ABCC5: variants seen among roughly 807,000 people sequenced by gnomAD.
ABCC5 encodes ATP binding cassette subfamily C member 5, also known as ATP-binding cassette sub-family C member 5.
Under a neutral mutation model 160.9 loss-of-function variants are expected in ABCC5, and 61 were observed. That is an observed-to-expected ratio of 0.38 (90% confidence interval 0.31 to 0.47). The LOEUF is 0.47. Ranked by LOEUF, ABCC5 falls within the 20% of genes least tolerant of loss-of-function variation. ABCC5 has a pLI of 0.99. For synonymous variants in ABCC5, 666 were observed against 700.6 expected (o/e 0.95, Z 0.78); for missense variants, 1,308 against 1,813.3 (o/e 0.72, Z 5.06).
intron 25 of ABCC5, among the ~76,000 whole-genome samples, chr3:183,942,035 C>G (rs763551712): frequency 2.0e-5 from 3 of 148,540 alleles, no homozygotes; most frequent in Non-Finnish European, 4.5e-5. Flanking sequence ...TCTACAGTTA[C>G]GCATTTCTTT....
At chr3:183,938,687 G>A (rs977993016) in intron 25 of ABCC5, among the ~76,000 whole-genome samples, 1 of 152,148 alleles carries the variant, frequency 6.6e-6, no homozygotes, top group Non-Finnish European at 1.5e-5. Flanking sequence ...CTTAGGCAAA[G>A]TTAGGAGAAC....
chr3:183,977,640 G>T lies in ABCC5; in HGVS notation c.1297-16C>A, dbSNP rs752801024. The T allele has an allele frequency of 7.5e-6, 12 of 1,590,530 alleles. No homozygotes were observed. Among genetic ancestry groups the T allele is most frequent in the Non-Finnish European group, 1.0e-5 (12 of 1,159,638 alleles). ...CTGTGAAAGCCTGAAAATAGGAGAAGAGAAGAAACTGTGCCTAATGATGCT... is the reference window on the plus strand; with the variant it reads ...CTGTGAAAGCCTGAAAATAGGAGAATAGAAGAAACTGTGCCTAATGATGCT... On this transcript the variant is annotated splice_polypyrimidine_tract_variant and intron_variant, in intron 9 of 29. Coordinates refer to ENST00000334444, the MANE Select transcript of ABCC5 (RefSeq NM_005688.4).
intron 5 of ABCC5, chr3:183,983,785 A>ATCCT (rs1718953551): frequency 3.0e-5 from 30 of 985,400 alleles, no homozygotes; most frequent in Non-Finnish European, 2.9e-5. Flanking sequence ...GAAAATGAAA[A>ATCCT]AATATAAAAG....
intron 2 of ABCC5, among the ~76,000 whole-genome samples, chr3:183,991,770 A>C (rs914592764): frequency 2.6e-5 from 4 of 152,224 alleles, no homozygotes; most frequent in African/African-American, 9.6e-5. Flanking sequence ...GGACTACGGC[A>C]CTTGATAATG....
In ABCC5 at chr3:183,949,821, G is replaced by T; in HGVS notation, c.3159C>A (p.His1053Gln). The T allele has an allele frequency of 6.2e-7, 1 of 1,614,206 alleles. No individual in the cohort carries two copies. The highest frequency in any genetic ancestry group is 8.5e-7 in the Non-Finnish European group (1 of 1,180,044). Residue 1053 changes from histidine to glutamine, a missense_variant, in exon 22 of 30, where the codon CAC (histidine) becomes CAA (glutamine). Coordinates refer to ENST00000334444, the MANE Select transcript of ABCC5 (RefSeq NM_005688.4). This position sits in a 1 kb window ranked among gnomAD's most constrained non-coding sequence, Gnocchi z 4.2. The part of the protein sequence containing the change: ...DNITQSPFLS[H>Q]ITSSIQGLAT... ...CAAGGCCCTGTATGCTGGACGTGAT[G>T]TGGGAGAGGAAAGGTGACTGCGTGA...
In ABCC5 at chr3:183,982,633, T is replaced by C; in HGVS notation, c.826-9A>G. ...GAGCAAATGTTGATGAGCTATAAGA[T>C]ACAAAGAGTAGTGAGGGGACCCTGC... On this transcript the variant is annotated splice_polypyrimidine_tract_variant and intron_variant, in intron 6 of 29. Transcript: ENST00000334444. This position sits in a 1 kb window ranked among gnomAD's most constrained non-coding sequence, Gnocchi z 5.2. 6.2e-7 allele frequency: 1 copy of C among 1,613,986 alleles called. No individual in the cohort carries two copies. Among genetic ancestry groups the C allele is most frequent in the Non-Finnish European group, 8.5e-7 (1 of 1,179,932 alleles).
intron 10 of ABCC5, among the ~76,000 whole-genome samples, chr3:183,973,178 C>T (rs935358409): frequency 4.0e-5 from 6 of 151,516 alleles, no homozygotes; most frequent in Non-Finnish European, 7.4e-5. Flanking sequence ...CCTCAGCTTC[C>T]CGAGTAGCTG....
Position 183,949,357 on chromosome 3 carries a change from T to C in ABCC5, c.3227+396A>G, listed in dbSNP as rs1190951508. On this transcript the variant is annotated intron_variant, in intron 22 of 29. Coordinates refer to ENST00000334444, the MANE Select transcript of ABCC5 (RefSeq NM_005688.4). This position sits in a 1 kb window ranked among gnomAD's most constrained non-coding sequence, Gnocchi z 4.2. Reference sequence around the variant, plus strand: ...ACTTAAAAGAAAAAGCAAAACTCTATGAAATATAGCTTTTCAGGGCCAAGG... The same window carrying C: ...ACTTAAAAGAAAAAGCAAAACTCTACGAAATATAGCTTTTCAGGGCCAAGG... 2.0e-5 allele frequency among the ~76,000 whole-genome samples: 3 copies of C among 152,240 alleles called. No homozygotes were observed. Among genetic ancestry groups the C allele is most frequent in the African/African-American group, 4.8e-5 (2 of 41,468 alleles).
chr3:183,977,937 G>C, intron 9 of ABCC5, among the ~76,000 whole-genome samples: 1 of 152,108 alleles, frequency 6.6e-6, no homozygotes. Context: ...ATTTTTAGTA[G>C]AGACAGGGTT....
Position 183,949,968 on chromosome 3 carries a change from T to C in ABCC5, c.3098+4A>G. The C allele has an allele frequency of 1.2e-6, 2 of 1,614,078 alleles. No homozygotes were observed. Among genetic ancestry groups the C allele is most frequent in the Non-Finnish European group, 1.7e-6 (2 of 1,180,002 alleles). On this transcript the variant is annotated splice_donor_region_variant and intron_variant, in intron 21 of 29. Coordinates refer to ENST00000334444, the MANE Select transcript of ABCC5 (RefSeq NM_005688.4). The surrounding 1 kb of genome is among the most constrained non-coding windows in gnomAD (Gnocchi z 4.2). ...CCCAGCAGACATGAACGCTTCCTAT[T>C]TACCTGGAGACAATGTGCAGGACTG...
chr3:183,966,952 T>G (rs1717273537), intron 12 of ABCC5, among the ~76,000 whole-genome samples: 2 of 152,010 alleles, frequency 1.3e-5, no homozygotes, highest in Admixed American at 6.6e-5. Context: ...TTTATGCTCA[T>G]CTCAACCATC....
In ABCC5 at chr3:183,927,416, A is replaced by T. The variant is rs757678999; in HGVS notation, c.3961T>A (p.Ser1321Thr). 1 of 1,613,680 alleles carries T rather than the reference A, an allele frequency of 6.2e-7. No individual in the cohort carries two copies. The change falls in exon 28 of 30, where the codon TCT becomes ACT. Residue 1321 changes from serine to threonine, a missense_variant. Coordinates refer to ENST00000334444, the MANE Select transcript of ABCC5 (RefSeq NM_005688.4). ...TTATCCCCATTCTCCATCACTTCAG[A>T]TTCAAGTTTCAGAGGTAGCTGAGCA... is the stretch of plus-strand genomic sequence containing the variant. ...CIAQLPLKLESEVMENGDNFS... is the reference protein window; with the variant it reads ...CIAQLPLKLETEVMENGDNFS...
intron 2 of ABCC5, among the ~76,000 whole-genome samples, chr3:184,007,122 G>A (rs1444408857): frequency 7.0e-6 from 1 of 143,162 alleles, no homozygotes; most frequent in Non-Finnish European, 1.5e-5. Flanking sequence ...CCGGGTTCAA[G>A]CGATTCTCCT....
At chr3:183,940,711 T>C (rs1195057508) in intron 25 of ABCC5, among the ~76,000 whole-genome samples, 1 of 152,140 alleles carries the variant, frequency 6.6e-6, no homozygotes, top group Non-Finnish European at 1.5e-5. Flanking sequence ...TGACTACCTT[T>C]GCACTGATGG....
chr3:184,009,985 A>C lies in ABCC5; in HGVS notation c.129+4279T>G, dbSNP rs1367052342. On this transcript the variant is annotated intron_variant, in intron 2 of 29. Transcript: ENST00000334444. ...CCAACAGTGAGAGTGCCTCTACAAA[A>C]AAACAAACAAAAAAAATTTAATAAA... 20 of 436,078 alleles carry C rather than the reference A, an allele frequency of 4.6e-5. No individual in the cohort carries two copies. In the Admixed American group the frequency reaches 5.0e-4, roughly 11 times the overall value. The allele number at this position is 436,078 out of a possible 1,614,324, so 27.0% of individuals were successfully genotyped here.
At chr3:183,928,413 C>T (rs866494073) in intron 27 of ABCC5, among the ~76,000 whole-genome samples, 23 of 152,104 alleles carry the variant, frequency 1.5e-4, no homozygotes, top group South Asian at 1.0e-3. Flanking sequence ...CGCCCGGCCA[C>T]GTTATATATC....
rs1427768410 is a variant in ABCC5, at chr3:184,017,876, C to T, written c.-102G>A. On this transcript the variant is annotated 5_prime_UTR_variant, in exon 1 of 30. Transcript: ENST00000334444. The surrounding 1 kb of genome is among the most constrained non-coding windows in gnomAD (Gnocchi z 4.5). ...ACCGCGCCAGCCGCTCAACCACGCT[C>T]CCGAGCATGAGCCCTGCAGCAAAAC... 2 of 152,608 alleles carry T rather than the reference C, an allele frequency of 1.3e-5. No homozygotes were observed. Among genetic ancestry groups the T allele is most frequent in the Non-Finnish European group, 1.5e-5 (1 of 68,332 alleles). The allele number at this position is 152,608 out of a possible 1,614,324, so 9.5% of individuals were successfully genotyped here.
chr3:183,932,677 A>C (rs1209289761), intron 26 of ABCC5, among the ~76,000 whole-genome samples: 1 of 152,204 alleles, frequency 6.6e-6, no homozygotes, highest in Non-Finnish European at 1.5e-5. Flanking sequence ...TAAAACAGGA[A>C]TAATGGCCAA....
At position 183,951,490 on chromosome 3, in the gene ABCC5, C is replaced by T. The variant is rs776157859; in HGVS notation, c.2895G>A (p.Thr965=). ...TGTTGAGAATCCTCCCTGTGGGGGT[C>T]GTGTCAAAAAACTTCATAGGGCTTC... ...ILRSPMKFFD[T]TPTGRILNRF... is the part of the protein sequence containing the mutation. The change falls in exon 20 of 30, where the codon ACG becomes ACA. Residue 965 remains threonine, a synonymous_variant. Coordinates refer to ENST00000334444, the MANE Select transcript of ABCC5 (RefSeq NM_005688.4). This position sits in a 1 kb window ranked among gnomAD's most constrained non-coding sequence, Gnocchi z 4.7. 8.1e-6 allele frequency: 13 copies of T among 1,613,996 alleles called. No individual in the cohort carries two copies. In the Admixed American group the frequency reaches 8.3e-5, roughly 10 times the overall value.
Sources: allele counts gnomAD v4.1 joint callset (sites outside exome capture counted in the v4.1 genomes callset), GRCh38; gene constraint gnomAD v4.1.1; non-coding constraint Gnocchi (gnomAD v3.1); transcripts MANE v1.5; gene names NCBI Gene and HGNC (gene_info 2026-07-23, HGNC 2026-07-21).